COL4A4: variants seen among roughly 807,000 people sequenced by gnomAD.
The protein encoded by COL4A4 is collagen alpha-4(IV) chain.
In COL4A4, 105 loss-of-function variants were observed where a neutral mutation model predicts 192.9. The observed-to-expected ratio is 0.54, with a 90% CI of 0.46 to 0.64. COL4A4 has a LOEUF of 0.64. Ranked by LOEUF, COL4A4 falls within the 30% of genes least tolerant of loss-of-function variation. COL4A4 has a pLI of 0.00. For synonymous variants in COL4A4, 762 were observed against 769.9 expected (o/e 0.99, Z 0.17); for missense variants, 1,967 against 2,169.3 (o/e 0.91, Z 1.85).
At chr2:227,098,865 T>C in intron 18 of COL4A4, 67 bp from the exon 19 acceptor site, 1 of 1,321,750 alleles carries the variant, frequency 7.6e-7, no homozygotes, top group East Asian at 2.3e-5. Flanking sequence ...AGACAACAAT[T>C]ACTTTTTGTG....
At chr2:227,010,678 C>T (rs1963484348) in intron 45 of COL4A4, among the ~76,000 whole-genome samples, 177 bp from the exon 46 acceptor site, 1 of 152,244 alleles carries the variant, frequency 6.6e-6, no homozygotes, top group African/African-American at 2.4e-5. Context: ...CATAGAACAA[C>T]TCATTCATCA....
At chr2:227,073,789 A>AT (rs995318498) in intron 25 of COL4A4, among the ~76,000 whole-genome samples, 5 of 152,092 alleles carry the variant, frequency 3.3e-5, no homozygotes, top group South Asian at 2.1e-4. Context: ...AAAACAAAAA[A>AT]TTGGGGGGTG....
Position 227,127,554 on chromosome 2 carries a change from A to G in COL4A4, c.193-6406T>C, listed in dbSNP as rs1412192900. 3.3e-5 allele frequency among the ~76,000 whole-genome samples: 5 copies of G among 152,202 alleles called. No homozygotes were observed. The East Asian group carries it at 5.8e-4, about 18-fold the overall frequency. On this transcript the variant is annotated intron_variant, in intron 4 of 47. Coordinates refer to ENST00000396625, the MANE Select transcript of COL4A4 (RefSeq NM_000092.5). ...TCTTGAACAGGGCTAAGATAAAATTACTTTTATTTCATAACAACTTAGTAA... is the reference window on the plus strand; with the variant it reads ...TCTTGAACAGGGCTAAGATAAAATTGCTTTTATTTCATAACAACTTAGTAA...
At chr2:227,154,448 T>A (rs1026215624) in intron 1 of COL4A4, among the ~76,000 whole-genome samples, 1 of 152,208 alleles carries the variant, frequency 6.6e-6, no homozygotes, top group East Asian at 1.9e-4. Context: ...ACACTGAGTA[T>A]TGGATGCTTC....
In COL4A4 at chr2:227,108,842, T is replaced by C. The variant is rs2150872532; in HGVS notation, c.684A>G (p.Pro228=). The change falls in exon 11 of 48, where the codon CCA becomes CCG. Residue 228 remains proline (P), a synonymous_variant. Transcript: ENST00000396625. ...LVGPPGQPGR[P]GLKGNPGVGV... ...GCTCATGACTGCCTACCTTCAAACC[T>C]GGACGCCCTGGTTGGCCCGGAGGTC... 2 of 1,611,948 alleles carry C rather than the reference T, an allele frequency of 1.2e-6. No homozygotes were observed. Among genetic ancestry groups the C allele is most frequent in the Non-Finnish European group, 1.7e-6 (2 of 1,178,748 alleles).
At chr2:227,054,385 A>G (rs1445646666) in intron 31 of COL4A4, among the ~76,000 whole-genome samples, 1 of 152,252 alleles carries the variant, frequency 6.6e-6, no homozygotes, top group East Asian at 1.9e-4. Context: ...TTCAATTAAT[A>G]GAGCAATTCA....
chr2:227,020,020 T>C (rs1405673504), intron 44 of COL4A4, among the ~76,000 whole-genome samples: 1 of 152,238 alleles, frequency 6.6e-6, no homozygotes, highest in East Asian at 1.9e-4. Context: ...CTTTAAGTTA[T>C]TTATATTCTG....
At chr2:227,080,068 G>T (rs1312065113) in intron 24 of COL4A4, among the ~76,000 whole-genome samples, 1 of 152,138 alleles carries the variant, frequency 6.6e-6, no homozygotes, top group Non-Finnish European at 1.5e-5. Flanking sequence ...CCAGGAAACA[G>T]AATTGATGCT....
chr2:227,111,357 C>T (rs758818525), intron 9 of COL4A4, among the ~76,000 whole-genome samples: 2 of 152,124 alleles, frequency 1.3e-5, no homozygotes, highest in African/African-American at 2.4e-5. Context: ...GACTCACTTT[C>T]CTAAATATTA....
the COL4A4 span, among the ~76,000 whole-genome samples, chr2:226,972,714 G>A: frequency 1.3e-5 from 2 of 152,152 alleles, no homozygotes; most frequent in Admixed American, 1.3e-4. Flanking sequence ...ACAGTGAACG[G>A]CACAGACTGG....
chr2:227,057,942 C>G (rs186269153), intron 28 of COL4A4, among the ~76,000 whole-genome samples: 6 of 152,342 alleles, frequency 3.9e-5, no homozygotes. Flanking sequence ...CCAGTTTGCA[C>G]TGTATGAATT....
chr2:227,022,238 C>G, intron 43 of COL4A4, 65 bp from the exon 44 acceptor site: 1 of 1,601,564 alleles, frequency 6.2e-7, no homozygotes, highest in Non-Finnish European at 8.6e-7. Flanking sequence ...CTTCTACAGT[C>G]TCTGGTTAAA....
At chr2:227,037,121 A>G (rs1380855094) in intron 37 of COL4A4, among the ~76,000 whole-genome samples, 1 of 152,194 alleles carries the variant, frequency 6.6e-6, no homozygotes, top group Non-Finnish European at 1.5e-5. Context: ...GTTCTGGGAT[A>G]CATGTACAGA....
At position 227,022,478 on chromosome 2, in the gene COL4A4, G is replaced by A. The variant is rs145689259; in HGVS notation, c.4091-305C>T. 970 of 598,012 alleles carry A rather than the reference G, an allele frequency of 1.6e-3. 7 individuals are homozygous for A. The highest frequency in any genetic ancestry group is 0.014 in the African/African-American group (785 of 54,534). 37.0% of individuals were successfully genotyped at this position (598,012 alleles called of 1,614,324 possible). Reference sequence around the variant, plus strand: ...AGTGAAGGTCGGATGATGCAGCAACGTGATGACCCTCACAGGATTGCCCAA... The same window carrying A: ...AGTGAAGGTCGGATGATGCAGCAACATGATGACCCTCACAGGATTGCCCAA... On this transcript the variant is annotated intron_variant, in intron 43 of 47. Transcript: ENST00000396625.
At chr2:227,041,866 GAAAGA>G in intron 37 of COL4A4, among the ~76,000 whole-genome samples, 1 of 130,038 alleles carries the variant, frequency 7.7e-6, no homozygotes, top group African/African-American at 3.2e-5. Flanking sequence ...AAGAAAGAAA[GAAAGA>G]AAGAAAGAAA....
the COL4A4 span, among the ~76,000 whole-genome samples, chr2:226,981,435 C>CA: frequency 7.6e-4 from 104 of 137,056 alleles, no homozygotes; most frequent in South Asian, 2.3e-3. Flanking sequence ...CATTGAACTT[C>CA]AAAAAAAAAA....
In COL4A4 at chr2:227,012,293, G is replaced by A. The variant is rs776790715; in HGVS notation, c.4221C>T (p.Cys1407=). Residue 1407 remains cysteine (C), a synonymous_variant, in exon 45 of 48, where the codon TGC becomes TGT. Coordinates refer to ENST00000396625, the MANE Select transcript of COL4A4 (RefSeq NM_000092.5). ...TGCCATCCAGCCCAGGCTCTCCTTT[G>A]CACCCTGCACAAAAGTTTATGATGC... is the stretch of plus-strand genomic sequence containing the variant. The part of the protein sequence containing the change: ...PGMRGPSGPG[C]KGEPGLDGRR... 6.2e-7 allele frequency: 1 copy of A among 1,613,470 alleles called. No individual in the cohort carries two copies. The highest frequency in any genetic ancestry group is 8.5e-7 in the Non-Finnish European group (1 of 1,179,558).
At chr2:227,100,438 T>TA (rs1256924885) in intron 17 of COL4A4, among the ~76,000 whole-genome samples, 1 of 148,686 alleles carries the variant, frequency 6.7e-6, no homozygotes, top group African/African-American at 2.6e-5. Context: ...AAAAAATATT[T>TA]TAAAAAAAAT....
chr2:227,032,019 C>T lies in COL4A4; in HGVS notation c.3743G>A (p.Gly1248Glu), dbSNP rs548799639. Residue 1248 changes from glycine (G) to glutamate (E), a missense_variant, in exon 40 of 48, where the codon GGA becomes GAA. By Grantham distance (98) the Gly-to-Glu change is moderately conservative. Coordinates refer to ENST00000396625, the MANE Select transcript of COL4A4 (RefSeq NM_000092.5). ...SGPPGPAGAT[G>E]RAPKDIPDPG... ...GTCAGGAATGTCCTTAGGAGCTCTT[C>T]CTGTGGCACCTGCAGGACCAGGTGG... is the stretch of plus-strand genomic sequence containing the variant. 55 of 1,613,974 alleles carry T rather than the reference C, an allele frequency of 3.4e-5. No individual in the cohort carries two copies. Among genetic ancestry groups the T allele is most frequent in the Non-Finnish European group, 4.7e-5 (55 of 1,179,974 alleles).
Sources: allele counts gnomAD v4.1 joint callset (sites outside exome capture counted in the v4.1 genomes callset), GRCh38; gene constraint gnomAD v4.1.1; transcripts MANE v1.5; gene names NCBI Gene and HGNC (gene_info 2026-07-23, HGNC 2026-07-21).